Variants in COLQ observed in about 807,000 individuals in gnomAD.
COLQ encodes the protein collagen like tail subunit of asymmetric acetylcholinesterase.
In COLQ, 48 loss-of-function variants were observed where a neutral mutation model predicts 69.0. The ratio of observed to expected loss-of-function variants is 0.70; its 90% confidence interval spans 0.55 to 0.88. The LOEUF is 0.88. Among genes scored for constraint, COLQ ranks in the 40% least tolerant of loss-of-function variants. The pLI is 0.00. For missense variants in COLQ, 618 were observed against 594.6 expected (o/e 1.04, Z -0.41); for synonymous variants, 217 against 211.2 (o/e 1.03, Z -0.24).
At chr3:15,499,726 C>G (rs1257267882) in intron 1 of COLQ, among the ~76,000 whole-genome samples, 2 of 152,192 alleles carry the variant, frequency 1.3e-5, no homozygotes, top group Non-Finnish European at 2.9e-5. Flanking sequence ...GACACAGTTC[C>G]CGCCCTTGGA....
intron 3 of COLQ, among the ~76,000 whole-genome samples, chr3:15,481,518 G>C (rs1467280499): frequency 6.6e-6 from 1 of 152,164 alleles, no homozygotes; most frequent in East Asian, 1.9e-4. Context: ...AAGACCAGAT[G>C]GTTGTAGATG....
chr3:15,521,505 G>A lies in COLQ; in HGVS notation c.106+15C>T. ...CTGACAGATGGAAGAGAGGAAAGTT[G>A]TGGCCATCATTTACCTGCTGAGATT... On this transcript the variant is annotated intron_variant, in intron 1 of 16. Transcript: ENST00000383788. 2 of 1,614,082 alleles carry A rather than the reference G, an allele frequency of 1.2e-6. No homozygotes were observed. Among genetic ancestry groups the A allele is most frequent in the Non-Finnish European group, 1.7e-6 (2 of 1,180,014 alleles).
Position 15,471,751 on chromosome 3 carries a change from T to C in COLQ, c.637-1135A>G, listed in dbSNP as rs1025624032. The stretch of plus-strand genomic sequence containing the variant: ...TCTGTCAGCTCAGCCAATGTGTCCC[T>C]ACCCAAGCCACCAATGTCTTGTTTC... On this transcript the variant is annotated intron_variant, in intron 10 of 16. Transcript: ENST00000383788. 2.0e-5 allele frequency among the ~76,000 whole-genome samples: 3 copies of C among 152,222 alleles called. No individual in the cohort carries two copies. The East Asian group carries it at 5.8e-4, about 29-fold the overall frequency.
intron 1 of COLQ, among the ~76,000 whole-genome samples, chr3:15,489,968 C>T (rs2062637272): frequency 6.6e-6 from 1 of 152,116 alleles, no homozygotes; most frequent in African/African-American, 2.4e-5. Flanking sequence ...ATCATATGCC[C>T]CCAGTAGTTG....
intron 12 of COLQ, among the ~76,000 whole-genome samples, chr3:15,465,758 AATTTTTGT>A (rs1243771799): frequency 2.6e-5 from 4 of 151,440 alleles, no homozygotes; most frequent in Admixed American, 6.6e-5. Context: ...ATGCCAGGCT[AATTTTTGT>A]ATTTTTGTAT....
chr3:15,498,680 C>G, intron 1 of COLQ: 1 of 1,549,424 alleles, frequency 6.5e-7, no homozygotes, highest in Non-Finnish European at 8.7e-7. Context: ...AGTGCCTGGC[C>G]TGTTTGGCAT....
At chr3:15,456,289 G>A (rs2062024467) in intron 14 of COLQ, among the ~76,000 whole-genome samples, 171 bp downstream of exon 14, 1 of 145,958 alleles carries the variant, frequency 6.9e-6, no homozygotes, top group Admixed American at 6.7e-5. Context: ...AGTCAGGGTG[G>A]GGGAATGGAG....
intron 13 of COLQ, among the ~76,000 whole-genome samples, chr3:15,457,792 A>G (rs1404239449): frequency 6.6e-6 from 1 of 151,924 alleles, no homozygotes; most frequent in South Asian, 2.1e-4. Context: ...TTTTAAATAT[A>G]TTTTTTAGTA....
intron 10 of COLQ, 176 bp from the exon 11 acceptor site, chr3:15,470,792 T>C: frequency 2.9e-6 from 2 of 699,720 alleles, no homozygotes; most frequent in Admixed American, 4.1e-5. Flanking sequence ...AAGGCAGACA[T>C]GTCTTTCATG....
At chr3:15,490,043 A>G (rs1243069145) in intron 1 of COLQ, among the ~76,000 whole-genome samples, 1 of 152,246 alleles carries the variant, frequency 6.6e-6, no homozygotes, top group Non-Finnish European at 1.5e-5. Flanking sequence ...TTAGACAGGG[A>G]GGCAGCCAGG....
chr3:15,475,957 C>T (rs995479113), intron 6 of COLQ, among the ~76,000 whole-genome samples: 1 of 152,176 alleles, frequency 6.6e-6, no homozygotes, highest in Non-Finnish European at 1.5e-5. Context: ...TATACCAGCA[C>T]TAACCAATAG....
chr3:15,516,875 G>A (rs970117670), intron 1 of COLQ, among the ~76,000 whole-genome samples: 8 of 152,204 alleles, frequency 5.3e-5, no homozygotes, highest in South Asian at 2.1e-4. Flanking sequence ...CAGGCCAGGC[G>A]TGGTGGCTGT....
chr3:15,492,507 A>G (rs531581815), intron 1 of COLQ, among the ~76,000 whole-genome samples: 1 of 152,298 alleles, frequency 6.6e-6, no homozygotes, highest in African/African-American at 2.4e-5. Context: ...TCTACTAAAA[A>G]TACAAAAAAA....
chr3:15,489,540 T>C lies in COLQ; in HGVS notation c.204A>G (p.Arg68=). 6.2e-7 allele frequency: 1 copy of C among 1,614,174 alleles called. No individual in the cohort carries two copies. The highest frequency in any genetic ancestry group is 8.5e-7 in the Non-Finnish European group (1 of 1,180,026). The part of the protein sequence containing the change: ...PPPLFPPPFF[R]GGRSPLLSPD... The stretch of plus-strand genomic sequence containing the variant: ...AAGTACTCACCGGACTTCGGCCACC[T>C]CTGAAGAATGGTGGTGGGAACAGTG... The change falls in exon 2 of 17, where the codon AGA becomes AGG. Residue 68 remains arginine (R), a synonymous_variant. Coordinates refer to ENST00000383788, the MANE Select transcript of COLQ (RefSeq NM_005677.4).
At chr3:15,493,040 A>G (rs2062695825) in intron 1 of COLQ, among the ~76,000 whole-genome samples, 1 of 152,232 alleles carries the variant, frequency 6.6e-6, no homozygotes. Context: ...AAAAACAGGA[A>G]CAACAGGTGG....
chr3:15,496,561 C>T (rs141325633), intron 1 of COLQ, among the ~76,000 whole-genome samples: 4 of 152,306 alleles, frequency 2.6e-5, no homozygotes, highest in East Asian at 1.9e-4. Flanking sequence ...CAATCCTGTG[C>T]GTATCTCCGT....
chr3:15,489,885 C>T (rs2062636198), intron 1 of COLQ, among the ~76,000 whole-genome samples: 1 of 152,220 alleles, frequency 6.6e-6, no homozygotes, highest in African/African-American at 2.4e-5. Flanking sequence ...TTATAAGGTT[C>T]AATTCTCCTT....
intron 12 of COLQ, among the ~76,000 whole-genome samples, chr3:15,458,737 T>C (rs1483402784): frequency 6.6e-6 from 1 of 152,222 alleles, no homozygotes; most frequent in African/African-American, 2.4e-5. Context: ...AGAAAAACAA[T>C]GTCTTATTTG....
At chr3:15,484,973 C>T (rs796848194) in intron 3 of COLQ, among the ~76,000 whole-genome samples, 14 of 152,338 alleles carry the variant, frequency 9.2e-5, no homozygotes, top group African/African-American at 3.1e-4. Flanking sequence ...AGAAGAGGCA[C>T]TCTGATTTTT....
Sources: allele counts gnomAD v4.1 joint callset (sites outside exome capture counted in the v4.1 genomes callset), GRCh38; gene constraint gnomAD v4.1.1; transcripts MANE v1.5; gene names NCBI Gene and HGNC (gene_info 2026-07-23, HGNC 2026-07-21).